The following DPRX variants were observed in gnomAD, a reference collection of about 807,000 sequenced individuals.
DPRX encodes divergent paired-related homeobox.
A neutral mutation model predicts 8.4 loss-of-function variants in DPRX; 11 were observed. The observed-to-expected ratio is 1.31, with a 90% CI of 0.82 to 2.17. The LOEUF is 2.17. Among genes scored for constraint, DPRX ranks in the 30% most tolerant of loss-of-function variants. The probability of loss-of-function intolerance (pLI) is 0.00; values close to 1 mark genes in which losing one functional copy is unlikely to be tolerated. For synonymous variants in DPRX, 72 were observed against 87.0 expected, an observed-to-expected ratio of 0.83 and a Z score of 0.96; for missense variants, 211 against 236.7, an observed-to-expected ratio of 0.89 and a Z score of 0.71.
chr19:53,628,373 T>G (rs1219907338), upstream of DPRX, among the ~76,000 whole-genome samples: 97 of 152,272 alleles, frequency 6.4e-4, no homozygotes, highest in African/African-American at 2.1e-3. Flanking sequence ...TAATCAGTCC[T>G]TGGGTTTAGC....
chr19:53,602,560 GTCTT>G, the DPRX span, among the ~76,000 whole-genome samples: 15 of 145,478 alleles, frequency 1.0e-4, no homozygotes, highest in African/African-American at 3.9e-4. Context: ...TTGAGAAAAA[GTCTT>G]TCTCTGTTGC....
the DPRX span, among the ~76,000 whole-genome samples, chr19:53,619,629 C>T: frequency 1.3e-5 from 2 of 150,686 alleles, no homozygotes; most frequent in African/African-American, 4.9e-5. Flanking sequence ...GAGCCGAGAT[C>T]GTGCCATTGC....
At chr19:53,630,659 A>T (rs983053993), upstream of DPRX, among the ~76,000 whole-genome samples, 2 of 151,918 alleles carry the variant, frequency 1.3e-5, no homozygotes, top group African/African-American at 4.8e-5. Flanking sequence ...GAAAAAAAAA[A>T]GTAGCTACAA....
At chr19:53,634,096 C>T (rs368704511) in intron 1 of DPRX, among the ~76,000 whole-genome samples, 265 of 152,288 alleles carry the variant, frequency 1.7e-3, no homozygotes, top group African/African-American at 6.1e-3. Flanking sequence ...GGGACTGCAG[C>T]CTGAGGCACG....
At chr19:53,636,010 G>T (rs74494519) in intron 2 of DPRX, among the ~76,000 whole-genome samples, 3,440 of 152,202 alleles carry the variant, frequency 0.023, 62 homozygotes, top group Middle Eastern at 0.048. Context: ...CCACAAAGAG[G>T]ATGTAAGTGG....
intron 2 of DPRX, 116 bp downstream of exon 2, chr19:53,634,801 C>T: frequency 4.3e-6 from 6 of 1,383,500 alleles, no homozygotes; most frequent in Admixed American, 2.4e-5. Context: ...CCCAAACCCA[C>T]ACTCTCCTAC....
the DPRX span, chr19:53,607,017 CA>C: frequency 6.5e-6 from 1 of 154,232 alleles, no homozygotes; most frequent in East Asian, 1.9e-4. Context: ...ACGCCAAAGC[CA>C]AAAGGCACAA....
chr19:53,617,879 T>C, the DPRX span, among the ~76,000 whole-genome samples: 159 of 152,090 alleles, frequency 1.0e-3, no homozygotes, highest in Non-Finnish European at 2.0e-3. Flanking sequence ...GTGGCTCACT[T>C]CTGTAGTCCC....
chr19:53,609,852 G>C, the DPRX span, among the ~76,000 whole-genome samples: 1 of 152,074 alleles, frequency 6.6e-6, no homozygotes, highest in Non-Finnish European at 1.5e-5. Context: ...GGACGTGGTG[G>C]CACACACCTA....
chr19:53,616,016 G>A, the DPRX span, among the ~76,000 whole-genome samples: 1 of 152,160 alleles, frequency 6.6e-6, no homozygotes, highest in African/African-American at 2.4e-5. Flanking sequence ...ACTTTGGGAC[G>A]CCGAGGCGGG....
the DPRX span, among the ~76,000 whole-genome samples, chr19:53,613,847 G>A: frequency 2.0e-5 from 3 of 152,086 alleles, no homozygotes; most frequent in African/African-American, 7.2e-5. Flanking sequence ...AATGACGAAG[G>A]AGATTGAGGA....
chr19:53,632,231 G>T, intron 1 of DPRX, 97 bp downstream of exon 1: 15 of 1,543,738 alleles, frequency 9.7e-6, no homozygotes, highest in Non-Finnish European at 1.3e-5. Flanking sequence ...GGCCGAAGCT[G>T]GTGCTTCGTC....
chr19:53,613,550 G>A, the DPRX span, among the ~76,000 whole-genome samples: 4 of 151,394 alleles, frequency 2.6e-5, no homozygotes, highest in Non-Finnish European at 5.9e-5. Context: ...GTAGAGACGG[G>A]GGTTTCACCA....
the DPRX span, among the ~76,000 whole-genome samples, chr19:53,624,147 G>T: frequency 7.2e-6 from 1 of 138,648 alleles, no homozygotes; most frequent in African/African-American, 2.7e-5. Flanking sequence ...GAGTGCAGTG[G>T]CGCAATCTCG....
the DPRX span, among the ~76,000 whole-genome samples, chr19:53,609,457 A>T: frequency 8.9e-6 from 1 of 112,252 alleles, no homozygotes; most frequent in Non-Finnish European, 1.7e-5. Context: ...ACAGAGCGAG[A>T]CTCGGTCTCA....
the DPRX span, among the ~76,000 whole-genome samples, chr19:53,618,007 G>A: frequency 1.5e-4 from 23 of 151,664 alleles, no homozygotes; most frequent in African/African-American, 5.3e-4. Context: ...GCGTGGTGGT[G>A]GCGGGGCACC....
At chr19:53,617,318 G>A in the DPRX span, 1 of 612,080 alleles carries the variant, frequency 1.6e-6, no homozygotes, top group East Asian at 3.0e-5. Flanking sequence ...CAGCACTTTG[G>A]GAGGCCGAGG....
chr19:53,613,340 G>A, the DPRX span, among the ~76,000 whole-genome samples: 1 of 151,992 alleles, frequency 6.6e-6, no homozygotes, highest in African/African-American at 2.4e-5. Context: ...ACGTTGTCAC[G>A]TGTGAGATCT....
the DPRX span, among the ~76,000 whole-genome samples, chr19:53,609,756 G>A: frequency 2.0e-5 from 3 of 151,848 alleles, no homozygotes; most frequent in Admixed American, 6.6e-5. Context: ...AGGCCAAGGC[G>A]GGCAGGTCAC....
Sources: gnomAD v4.1 joint callset for allele counts (sites outside exome capture counted in the v4.1 genomes callset) on GRCh38, gnomAD v4.1.1 for gene constraint, MANE v1.5 for transcripts, NCBI Gene and HGNC (gene_info 2026-07-23, HGNC 2026-07-21) for gene names.